ZC3H12B: variants seen among roughly 807,000 people sequenced by gnomAD.
ZC3H12B encodes zinc finger CCCH-type containing 12B.
A neutral mutation model predicts 43.9 loss-of-function variants in ZC3H12B; 7 were observed. The ratio of observed to expected loss-of-function variants is 0.16; its 90% CI spans 0.09 to 0.30. ZC3H12B has a LOEUF of 0.30. ZC3H12B is among the 10% of genes least tolerant of loss of function. ZC3H12B has a pLI of 1.00. For synonymous variants in ZC3H12B, 222 were observed against 241.7 expected, an observed-to-expected ratio of 0.92 and a Z score of 0.76; for missense variants, 475 against 670.2, an observed-to-expected ratio of 0.71 and a Z score of 3.22.
At chrX:65,225,508 G>C in the ZC3H12B span, among the ~76,000 whole-genome samples, 1 of 112,602 alleles carries the variant, frequency 8.9e-6, no homozygotes, top group Non-Finnish European at 1.9e-5. Flanking sequence ...ACCAGCAATG[G>C]AGCAAAGCTG....
chrX:65,359,967 C>T, the ZC3H12B span, among the ~76,000 whole-genome samples: 17 of 111,905 alleles, frequency 1.5e-4, 1 homozygote, highest in Middle Eastern at 8.3e-3. Context: ...CCTCATTCTT[C>T]AGGCGCCACC....
chrX:65,467,027 G>C (rs1161761715), intron 3 of ZC3H12B, among the ~76,000 whole-genome samples: 2 of 92,548 alleles, frequency 2.2e-5, no homozygotes, highest in Non-Finnish European at 4.3e-5. Flanking sequence ...TAGTGGTGAA[G>C]TCTGAAATTT....
the ZC3H12B span, among the ~76,000 whole-genome samples, chrX:65,283,451 A>G: frequency 8.9e-6 from 1 of 111,958 alleles, no homozygotes; most frequent in Non-Finnish European, 1.9e-5. Flanking sequence ...CCTATTCAAC[A>G]TAGTGTTGGA....
At chrX:65,114,598 T>C in the ZC3H12B span, among the ~76,000 whole-genome samples, 3 of 111,022 alleles carry the variant, frequency 2.7e-5, no homozygotes, top group Non-Finnish European at 5.7e-5. Context: ...CGTTTCATTC[T>C]TGGTACTAAT....
At position 65,379,565 on chromosome X, in the gene ZC3H12B, G is replaced by A. The variant is rs965404987; in HGVS notation, n.295+10567G>A. On this transcript the variant is annotated intron_variant and non_coding_transcript_variant, in intron 2 of 5. Coordinates refer to the ZC3H12B transcript ENST00000617377. Reference sequence around the variant, plus strand: ...AGCAGAGCGCCTCTCCTCCTCCAAAGGAACGCAGTTCCTCACCAGCAACGG... The same window carrying A: ...AGCAGAGCGCCTCTCCTCCTCCAAAAGAACGCAGTTCCTCACCAGCAACGG... 2.0e-4 allele frequency among the ~76,000 whole-genome samples: 22 copies of A among 112,417 alleles called. No individual in the cohort carries two copies. The Admixed American group carries it at 2.1e-3, about 11-fold the overall frequency.
the ZC3H12B span, among the ~76,000 whole-genome samples, chrX:65,124,910 A>T: frequency 5.4e-5 from 6 of 110,452 alleles, no homozygotes; most frequent in Non-Finnish European, 1.1e-4. Flanking sequence ...TGGTCTATCA[A>T]TTTTTTTATC....
At chrX:65,129,486 C>T in the ZC3H12B span, among the ~76,000 whole-genome samples, 6 of 108,641 alleles carry the variant, frequency 5.5e-5, no homozygotes, top group Non-Finnish European at 1.1e-4. Context: ...TGTTCTCTGG[C>T]GGGCAGGGGC....
the ZC3H12B span, among the ~76,000 whole-genome samples, chrX:65,151,401 T>A: frequency 8.9e-6 from 1 of 111,902 alleles, no homozygotes. Context: ...AGAGAAAAAA[T>A]TGACATGTAG....
intron 3 of ZC3H12B, among the ~76,000 whole-genome samples, chrX:65,443,116 G>A (rs928862811): frequency 4.5e-5 from 5 of 111,464 alleles, no homozygotes; most frequent in Admixed American, 9.5e-5. Context: ...CTGTTACTTC[G>A]CTATAATCGT....
At chrX:65,057,703 G>A in the ZC3H12B span, among the ~76,000 whole-genome samples, 9 of 111,769 alleles carry the variant, frequency 8.1e-5, no homozygotes, top group African/African-American at 1.6e-4. Flanking sequence ...TATTCTCCCC[G>A]TCACTTTCAG....
At chrX:65,080,377 G>GT in the ZC3H12B span, among the ~76,000 whole-genome samples, 155 of 110,316 alleles carry the variant, frequency 1.4e-3, no homozygotes, top group African/African-American at 4.9e-3. Flanking sequence ...AATACAAGAA[G>GT]TTTATAGAAC....
At chrX:65,114,435 C>T in the ZC3H12B span, among the ~76,000 whole-genome samples, 1 of 109,973 alleles carries the variant, frequency 9.1e-6, no homozygotes, top group Admixed American at 9.8e-5. Context: ...TAGAGCTATT[C>T]TAATAATATA....
At chrX:65,474,747 A>T (rs1204684411) in intron 3 of ZC3H12B, among the ~76,000 whole-genome samples, 1 of 111,329 alleles carries the variant, frequency 9.0e-6, no homozygotes, top group East Asian at 2.8e-4. Context: ...AGTAGCTGGG[A>T]TTATAGGCTC....
the ZC3H12B span, among the ~76,000 whole-genome samples, chrX:65,188,651 T>A: frequency 9.0e-6 from 1 of 111,108 alleles, no homozygotes; most frequent in Non-Finnish European, 1.9e-5. Context: ...TTCTTAGGTA[T>A]CTTATTTTAT....
At chrX:65,132,818 G>A in the ZC3H12B span, among the ~76,000 whole-genome samples, 5 of 110,971 alleles carry the variant, frequency 4.5e-5, no homozygotes, top group African/African-American at 9.8e-5. Context: ...AGAAGGGGAC[G>A]GACTTACCCT....
chrX:65,266,636 T>G, the ZC3H12B span, among the ~76,000 whole-genome samples: 2 of 111,545 alleles, frequency 1.8e-5, no homozygotes, highest in Non-Finnish European at 3.8e-5. Flanking sequence ...CACCTTAGAT[T>G]AGTAGTGGCC....
At chrX:65,340,064 C>T in the ZC3H12B span, among the ~76,000 whole-genome samples, 4 of 111,805 alleles carry the variant, frequency 3.6e-5, no homozygotes, top group Admixed American at 3.8e-4. Context: ...CTACCAGTGA[C>T]CCGTTCCTGC....
chrX:65,157,931 C>A, the ZC3H12B span, among the ~76,000 whole-genome samples: 3 of 72,979 alleles, frequency 4.1e-5, no homozygotes, highest in Non-Finnish European at 7.9e-5. Flanking sequence ...CCTCCCCCCA[C>A]CCCACAACAG....
At chrX:65,261,071 ATAAAG>A in the ZC3H12B span, among the ~76,000 whole-genome samples, 3 of 112,109 alleles carry the variant, frequency 2.7e-5, no homozygotes, top group African/African-American at 6.5e-5. Flanking sequence ...AATAAAACAT[ATAAAG>A]TAAATTCATT....
Sources: gnomAD v4.1 joint callset for allele counts (sites outside exome capture counted in the v4.1 genomes callset) on GRCh38, gnomAD v4.1.1 for gene constraint, MANE v1.5 for transcripts, NCBI Gene and HGNC (gene_info 2026-07-23, HGNC 2026-07-21) for gene names.